The following DYNC1H1 variants were observed in gnomAD, a reference collection of about 807,000 sequenced individuals.
DYNC1H1 encodes the protein cytoplasmic dynein 1 heavy chain 1.
A neutral mutation model predicts 527.1 loss-of-function variants in DYNC1H1; 51 were observed. The observed-to-expected ratio is 0.10, with a 90% CI of 0.08 to 0.12. The LOEUF (loss-of-function observed/expected upper bound fraction) is 0.12, where lower values mean the gene tolerates loss of function less well. DYNC1H1 is among the 10% of genes least tolerant of loss of function. DYNC1H1 has a pLI of 1.00. For missense variants in DYNC1H1, 2,771 were observed against 5,971.8 expected (o/e 0.46, Z 17.66); for synonymous variants, 2,189 against 2,278.8 (o/e 0.96, Z 1.12).
At chr14:102,032,802 G>A (rs978644798) in intron 52 of DYNC1H1, 32 of 565,776 alleles carry the variant, frequency 5.7e-5, no homozygotes, top group Non-Finnish European at 8.5e-5. Context: ...TCAGTGAACC[G>A]AGATCACACC....
intron 34 of DYNC1H1, among the ~76,000 whole-genome samples, chr14:102,013,312 T>C (rs2048280706): frequency 6.7e-6 from 1 of 150,096 alleles, no homozygotes; most frequent in African/African-American, 2.5e-5. Flanking sequence ...GTGATGCAAT[T>C]GGACAAACAA....
chr14:102,046,609 G>A (rs545315200), intron 72 of DYNC1H1, among the ~76,000 whole-genome samples: 69 of 152,230 alleles, frequency 4.5e-4, no homozygotes, highest in Non-Finnish European at 6.0e-4. Context: ...CAGGCCAAGG[G>A]ACACTGTGGT....
rs1000725714 is a variant in DYNC1H1, at chr14:101,997,146, C to T, written c.3676C>T (p.Arg1226Trp). The T allele has an allele frequency of 5.0e-6, 8 of 1,613,994 alleles. No homozygotes were observed. The highest frequency in any genetic ancestry group is 3.3e-5 in the South Asian group (3 of 91,076). The part of the protein sequence containing the change: ...GEWGAFNDIM[R>W]RKDSAIQQQV... Reference sequence around the variant, plus strand: ...GTGGGGAGCCTTCAATGACATCATGCGGCGAAAGGACTCTGCCATTCAGCA... The same window carrying T: ...GTGGGGAGCCTTCAATGACATCATGTGGCGAAAGGACTCTGCCATTCAGCA... The change falls in exon 16 of 78, where the codon CGG (arginine) becomes TGG (tryptophan). Residue 1226 changes from arginine to tryptophan, a missense_variant. Arg to Trp is a moderately radical substitution (Grantham distance 101, BLOSUM62 -3). This residue lies in a region of DYNC1H1 where 223 missense variants were observed against 462.5 expected (regional missense o/e 0.48). Transcript: ENST00000360184. This position sits in a 1 kb window ranked among gnomAD's most constrained non-coding sequence, Gnocchi z 4.8.
intron 4 of DYNC1H1, 59 bp from the exon 5 acceptor site, chr14:101,980,305 A>G (rs2047848591): frequency 7.6e-6 from 12 of 1,589,206 alleles, no homozygotes; most frequent in African/African-American, 1.3e-5. Context: ...TTTGTTAACG[A>G]TATCTATTCT....
In DYNC1H1 at chr14:102,036,848, G is replaced by C; in HGVS notation, c.10908+206G>C. On this transcript the variant is annotated intron_variant, in intron 57 of 77. Transcript: ENST00000360184. The surrounding 1 kb of genome is among the most constrained non-coding windows in gnomAD (Gnocchi z 5.6). ...TGGTCGGGCGAGGTGGCTCACACCT[G>C]TAATCTCAGCACTTTGGGAGGCCGA... The C allele has an allele frequency of 1.7e-6, 1 of 597,168 alleles. No individual in the cohort carries two copies. The highest frequency in any genetic ancestry group is 2.9e-6 in the Non-Finnish European group (1 of 350,738). 37.0% of individuals were successfully genotyped at this position (597,168 alleles called of 1,614,324 possible).
In DYNC1H1 at chr14:102,005,846, C is replaced by A; in HGVS notation, c.5434-42C>A. ...CAAACCCGGAGAATGCACTGTATTG[C>A]TTTAGTGTAGATGAACTTTTAAAGT... On this transcript the variant is annotated intron_variant, in intron 26 of 77. Coordinates refer to ENST00000360184, the MANE Select transcript of DYNC1H1 (RefSeq NM_001376.5). This position sits in a 1 kb window ranked among gnomAD's most constrained non-coding sequence, Gnocchi z 4.0. 6.2e-7 allele frequency: 1 copy of A among 1,612,646 alleles called. No individual in the cohort carries two copies. Among genetic ancestry groups the A allele is most frequent in the South Asian group, 1.1e-5 (1 of 90,956 alleles).
Position 102,039,839 on chromosome 14 carries a change from T to A in DYNC1H1, c.11690+107T>A. 3.1e-6 allele frequency: 3 copies of A among 966,408 alleles called. No individual in the cohort carries two copies. The highest frequency in any genetic ancestry group is 4.1e-6 in the Non-Finnish European group (3 of 729,628). 59.9% of individuals were successfully genotyped at this position (966,408 alleles called of 1,614,324 possible). A position where few individuals can be genotyped will look rare whatever the true frequency, so the allele number is the denominator to read the frequency against. ...ATTTCTTTTATTTTCTCTTTTATTT[T>A]CTTTATTTTATTTTTTGAGACGGAG... On this transcript the variant is annotated intron_variant, in intron 62 of 77. Transcript: ENST00000360184. This position sits in a 1 kb window ranked among gnomAD's most constrained non-coding sequence, Gnocchi z 7.0.
At position 102,039,314 on chromosome 14, in the gene DYNC1H1, A is replaced by G; in HGVS notation, c.11460+60A>G. ...CCGCACAGTAGCTCCTTGGCCGCAC[A>G]GAGGCTGGCGGGCCCTGCACAGTAG... On this transcript the variant is annotated intron_variant, in intron 60 of 77. Coordinates refer to ENST00000360184, the MANE Select transcript of DYNC1H1 (RefSeq NM_001376.5). This position sits in a 1 kb window ranked among gnomAD's most constrained non-coding sequence, Gnocchi z 7.0. 6.2e-7 allele frequency: 1 copy of G among 1,611,882 alleles called. No individual in the cohort carries two copies. The highest frequency in any genetic ancestry group is 8.5e-7 in the Non-Finnish European group (1 of 1,179,952).
chr14:102,000,374 C>T lies in DYNC1H1; in HGVS notation c.4049C>T (p.Pro1350Leu), dbSNP rs1131691955. The T allele has an allele frequency of 6.2e-7, 1 of 1,614,054 alleles. No individual in the cohort carries two copies. Among genetic ancestry groups the T allele is most frequent in the Non-Finnish European group, 8.5e-7 (1 of 1,180,002 alleles). The change falls in exon 18 of 78, where the codon CCC becomes CTC. Residue 1350 changes from proline to leucine, a missense_variant. Around this residue, in one of 32 missense-constraint regions of DYNC1H1, gnomAD observed 223 missense variants for 462.5 expected, o/e 0.48. Coordinates refer to ENST00000360184, the MANE Select transcript of DYNC1H1 (RefSeq NM_001376.5). ...WEQIDQMKEQ[P>L]WVSVQPRKLR... ...CAAATCGATCAGATGAAGGAGCAAC[C>T]CTGGGTTTCAGTACAGCCTCGAAAG...
intron 11 of DYNC1H1, 28 bp downstream of exon 11, chr14:101,991,701 G>C (rs201025090): frequency 6.2e-6 from 10 of 1,613,806 alleles, no homozygotes; most frequent in Non-Finnish European, 7.6e-6. Context: ...CGAGGCACAC[G>C]CCTCTGACCA....
In DYNC1H1 at chr14:102,044,780, C is replaced by T. The variant is rs986018204; in HGVS notation, c.13006+82C>T. On this transcript the variant is annotated intron_variant, in intron 72 of 77. Transcript: ENST00000360184. The surrounding 1 kb of genome is among the most constrained non-coding windows in gnomAD (Gnocchi z 7.1). The stretch of plus-strand genomic sequence containing the variant: ...GGGGTGGGTGGCGAGGGTCCCCACA[C>T]GCAGGGTGAGTGTGCACTGCTGTCC... The T allele has an allele frequency of 1.1e-4, 168 of 1,507,998 alleles. No individual in the cohort carries two copies. The highest frequency in any genetic ancestry group is 1.4e-4 in the Non-Finnish European group (154 of 1,091,722). The allele number at this position is 1,507,998 out of a possible 1,614,324, so 93.4% of individuals were successfully genotyped here.
chr14:101,979,352 T>G lies in DYNC1H1; in HGVS notation c.378T>G (p.Asp126Glu). ...TCATTAAACGTACTCCCGTGATTGA[T>G]GCAGATAAACCCGTGTCTTCTCAGC... ...LAFIKRTPVI[D>E]ADKPVSSQLR... The change falls in exon 3 of 78, where the codon GAT (aspartate) becomes GAG (glutamate). Residue 126 changes from aspartate to glutamate, a missense_variant. Asp to Glu is a conservative substitution (Grantham distance 45). This residue lies in a region of DYNC1H1 where 146 missense variants were observed against 288.1 expected (regional missense o/e 0.51). Transcript: ENST00000360184. The surrounding 1 kb of genome is among the most constrained non-coding windows in gnomAD (Gnocchi z 4.6). 1.2e-6 allele frequency: 2 copies of G among 1,614,222 alleles called. No homozygotes were observed. The highest frequency in any genetic ancestry group is 1.7e-6 in the Non-Finnish European group (2 of 1,180,036).
At chr14:101,976,394 TAGCC>T (rs1232639245) in intron 2 of DYNC1H1, among the ~76,000 whole-genome samples, 1 of 150,740 alleles carries the variant, frequency 6.6e-6, no homozygotes, top group Non-Finnish European at 1.5e-5. Context: ...AATACAAAAT[TAGCC>T]AGGCGTGGTG....
At chr14:101,978,882 CAG>C (rs1262899850) in intron 2 of DYNC1H1, among the ~76,000 whole-genome samples, 1 of 152,116 alleles carries the variant, frequency 6.6e-6, no homozygotes, top group Non-Finnish European at 1.5e-5. Flanking sequence ...AGTGGTGTCT[CAG>C]GGTGGGAAAG....
At position 102,016,041 on chromosome 14, in the gene DYNC1H1, T is replaced by C. The variant is rs558070695; in HGVS notation, c.7428T>C (p.His2476=). 6.2e-7 allele frequency: 1 copy of C among 1,613,310 alleles called. No individual in the cohort carries two copies. The highest frequency in any genetic ancestry group is 8.5e-7 in the Non-Finnish European group (1 of 1,179,892). Residue 2476 remains histidine, a synonymous_variant, in exon 36 of 78, where the codon CAT becomes CAC. Coordinates refer to ENST00000360184, the MANE Select transcript of DYNC1H1 (RefSeq NM_001376.5). The surrounding 1 kb of genome is among the most constrained non-coding windows in gnomAD (Gnocchi z 7.3). ...CRNVAQYNAN[H]PDFPMQIEQL... Reference sequence around the variant, plus strand: ...ACGTGGCGCAGTATAACGCCAACCATCCCGACTTCCCCATGCAGATCGAGC... The same window carrying C: ...ACGTGGCGCAGTATAACGCCAACCACCCCGACTTCCCCATGCAGATCGAGC...
At chr14:102,022,250 A>T (rs1318466484) in intron 42 of DYNC1H1, among the ~76,000 whole-genome samples, 1 of 151,906 alleles carries the variant, frequency 6.6e-6, no homozygotes, top group Non-Finnish European at 1.5e-5. Flanking sequence ...TAATCCCAGC[A>T]CTTTGGGAGG....
intron 51 of DYNC1H1, 104 bp from the exon 52 acceptor site, chr14:102,032,168 C>G: frequency 7.2e-7 from 1 of 1,385,642 alleles, no homozygotes; most frequent in African/African-American, 1.4e-5. Context: ...GCTGTCCTTT[C>G]TCTCATTGGA....
chr14:101,964,997 C>T lies in DYNC1H1; in HGVS notation c.256+50C>T, dbSNP rs770218322. The T allele has an allele frequency of 4.6e-6, 7 of 1,536,450 alleles. No individual in the cohort carries two copies. In the East Asian group the frequency reaches 7.1e-5, roughly 16 times the overall value. On this transcript the variant is annotated intron_variant, in intron 1 of 77. Transcript: ENST00000360184. This position sits in a 1 kb window ranked among gnomAD's most constrained non-coding sequence, Gnocchi z 5.5. The stretch of plus-strand genomic sequence containing the variant: ...CGCCAGAGCCAGGCCTCGCGGAATG[C>T]AGGGCCTGCCAGGTCCTCCGGGGTC...
intron 42 of DYNC1H1, among the ~76,000 whole-genome samples, chr14:102,022,532 G>A (rs1471034046): frequency 6.6e-6 from 1 of 151,506 alleles, no homozygotes; most frequent in Non-Finnish European, 1.5e-5. Context: ...GTGAGACTCT[G>A]TAAGTAAGTA....
Sources: allele counts gnomAD v4.1 joint callset (sites outside exome capture counted in the v4.1 genomes callset), GRCh38; gene constraint gnomAD v4.1.1; regional missense constraint gnomAD v4.1.1; non-coding constraint Gnocchi (gnomAD v3.1); transcripts MANE v1.5; gene names NCBI Gene and HGNC (gene_info 2026-07-23, HGNC 2026-07-21).